CATSPERD: variants seen among roughly 807,000 people sequenced by gnomAD.
The protein encoded by CATSPERD is cation channel sperm-associated auxiliary subunit delta.
A neutral mutation model predicts 98.1 loss-of-function variants in CATSPERD; 86 were observed. The ratio of observed to expected loss-of-function variants is 0.88; its 90% CI spans 0.74 to 1.05. The LOEUF is 1.05. Among genes scored for constraint, CATSPERD ranks in the 50% least tolerant of loss-of-function variants. The pLI, the probability that CATSPERD is intolerant of heterozygous loss-of-function variation, is 0.00. For synonymous variants in CATSPERD, 394 were observed against 390.2 expected (o/e 1.01, Z -0.12); for missense variants, 995 against 1,005.7 (o/e 0.99, Z 0.14).
rs745998783 is a variant in CATSPERD at position 5,720,815 on chromosome 19, C to G, written c.71+7C>G. Reference sequence around the variant, plus strand: ...TCACAGCTCAGCTCTGTCGGTGGGGCTGCCAGGACTCCTGGGGCTGGGGTG... The same window carrying G: ...TCACAGCTCAGCTCTGTCGGTGGGGGTGCCAGGACTCCTGGGGCTGGGGTG... On this transcript the variant is annotated splice_region_variant and intron_variant, in intron 1 of 21. Transcript: ENST00000381624. 7 of 1,596,136 alleles carry G rather than the reference C, an allele frequency of 4.4e-6. No individual in the cohort carries two copies. In the Admixed American group the frequency reaches 1.2e-4, roughly 27 times the overall value.
chr19:5,774,565 T>G (rs2144695855), intron 20 of CATSPERD, among the ~76,000 whole-genome samples: 1 of 152,082 alleles, frequency 6.6e-6, no homozygotes, highest in South Asian at 2.1e-4. Context: ...GGTGCACGCC[T>G]GTAATCCCAG....
intron 15 of CATSPERD, among the ~76,000 whole-genome samples, chr19:5,761,177 C>T (rs935194049): frequency 6.6e-6 from 1 of 152,098 alleles, no homozygotes; most frequent in African/African-American, 2.4e-5. Context: ...TCTCGGCTCA[C>T]TGCAATCTCT....
intron 1 of CATSPERD, among the ~76,000 whole-genome samples, chr19:5,722,737 C>G (rs996757994): frequency 4.0e-5 from 6 of 151,694 alleles, no homozygotes; most frequent in African/African-American, 9.7e-5. Flanking sequence ...AAGACCCCCC[C>G]CCCCGCAACC....
intron 12 of CATSPERD, chr19:5,753,746 G>A (rs909015446): frequency 3.1e-5 from 8 of 260,406 alleles, no homozygotes; most frequent in East Asian, 2.0e-4. Flanking sequence ...GGTGGTGCAC[G>A]CCTGTAGTCC....
chr19:5,741,102 AG>A (rs1272765603), intron 7 of CATSPERD, among the ~76,000 whole-genome samples: 2 of 150,158 alleles, frequency 1.3e-5, no homozygotes, highest in Non-Finnish European at 1.5e-5. Flanking sequence ...AGAAAAGAAA[AG>A]AAAAAAGCTA....
At position 5,720,692 on chromosome 19, in the gene CATSPERD, C is replaced by G. The variant is rs3810217; in HGVS notation, c.-46C>G. 5,428 of 1,577,298 alleles carry G rather than the reference C, an allele frequency of 3.4e-3. 183 individuals carry two copies. In the Admixed American group the frequency reaches 0.072, roughly 21 times the overall value. On this transcript the variant is annotated 5_prime_UTR_variant, in exon 1 of 22. Transcript: ENST00000381624. ...CACGTACTCGGATTGTGCAGCGACT[C>G]CCCGTGGCGGTTGAGGGGCAGTGGT...
chr19:5,750,477 A>G (rs556124339), intron 11 of CATSPERD, among the ~76,000 whole-genome samples: 7 of 133,724 alleles, frequency 5.2e-5, no homozygotes, highest in African/African-American at 1.9e-4. Flanking sequence ...AAAAAAAGGA[A>G]TTATTTTGGC....
intron 13 of CATSPERD, among the ~76,000 whole-genome samples, chr19:5,755,496 G>A (rs865910820): frequency 5.9e-5 from 9 of 152,066 alleles, no homozygotes; most frequent in African/African-American, 1.7e-4. Context: ...AGGGCCGGGC[G>A]CGGTGGCTCC....
chr19:5,777,066 G>A (rs1404836677), intron 21 of CATSPERD, among the ~76,000 whole-genome samples: 4 of 152,070 alleles, frequency 2.6e-5, no homozygotes, highest in East Asian at 1.9e-4. Flanking sequence ...AAGCCACATC[G>A]AAGCCATGCC....
chr19:5,774,258 G>A (rs913876970), intron 20 of CATSPERD, among the ~76,000 whole-genome samples: 106 of 151,976 alleles, frequency 7.0e-4, no homozygotes, highest in African/African-American at 2.4e-3. Flanking sequence ...GAGCCACTGC[G>A]CCCGGTCGGC....
intron 18 of CATSPERD, among the ~76,000 whole-genome samples, chr19:5,768,505 T>C (rs1486655373): frequency 6.6e-6 from 1 of 151,696 alleles, no homozygotes; most frequent in Non-Finnish European, 1.5e-5. Context: ...CACGGCTAAT[T>C]TGTTTTATTT....
chr19:5,759,163 G>C lies in CATSPERD; in HGVS notation c.1427+19G>C. 1 of 1,613,086 alleles carries C rather than the reference G, an allele frequency of 6.2e-7. No individual in the cohort carries two copies. The highest frequency in any genetic ancestry group is 8.5e-7 in the Non-Finnish European group (1 of 1,179,166). On this transcript the variant is annotated intron_variant, in intron 15 of 21. Transcript: ENST00000381624. ...CTTCCAGGTATGTTGTCTCCTGGGA[G>C]AGGCGGGGACTGGGCTGCCTACAGG...
chr19:5,746,626 G>T (rs2056100078), intron 9 of CATSPERD, among the ~76,000 whole-genome samples: 1 of 151,842 alleles, frequency 6.6e-6, no homozygotes, highest in Admixed American at 6.6e-5. Flanking sequence ...GTAGAGACGG[G>T]GTTTCACCGT....
intron 13 of CATSPERD, among the ~76,000 whole-genome samples, chr19:5,754,543 C>G (rs1006246391): frequency 6.6e-6 from 1 of 150,456 alleles, no homozygotes; most frequent in Non-Finnish European, 1.5e-5. Flanking sequence ...GGATTACCAG[C>G]ATGTGCCACC....
At chr19:5,726,224 C>T (rs895767393) in intron 2 of CATSPERD, among the ~76,000 whole-genome samples, 1 of 150,698 alleles carries the variant, frequency 6.6e-6, no homozygotes, top group Non-Finnish European at 1.5e-5. Flanking sequence ...ACCACACCCA[C>T]CTAATTTTTG....
intron 5 of CATSPERD, among the ~76,000 whole-genome samples, chr19:5,735,421 C>A (rs1469017272): frequency 2.1e-4 from 32 of 152,338 alleles, no homozygotes; most frequent in Non-Finnish European, 7.3e-5. Flanking sequence ...AGCGATTCTC[C>A]TGCCTTACCC....
chr19:5,764,021 G>C (rs1037411572), intron 16 of CATSPERD, among the ~76,000 whole-genome samples: 42 of 149,708 alleles, frequency 2.8e-4, no homozygotes, highest in Non-Finnish European at 5.6e-4. Context: ...GCTAATTTTT[G>C]TATTTTTAGA....
chr19:5,768,589 G>C (rs2056587916), intron 18 of CATSPERD, among the ~76,000 whole-genome samples: 2 of 151,758 alleles, frequency 1.3e-5, no homozygotes, highest in South Asian at 4.2e-4. Context: ...GCCCACCTCA[G>C]CCTCCCAAAG....
intron 21 of CATSPERD, 35 bp downstream of exon 21, chr19:5,776,350 G>T: frequency 6.2e-7 from 1 of 1,606,086 alleles, no homozygotes; most frequent in African/African-American, 1.3e-5. Flanking sequence ...GACAGGGGAC[G>T]CCTGGTGCCC....
Sources: allele counts gnomAD v4.1 joint callset (sites outside exome capture counted in the v4.1 genomes callset), GRCh38; gene constraint gnomAD v4.1.1; transcripts MANE v1.5; gene names NCBI Gene and HGNC (gene_info 2026-07-23, HGNC 2026-07-21).